The following RTL4 variants were observed in gnomAD, a reference collection of about 807,000 sequenced individuals.
RTL4 encodes retrotransposon Gag-like protein 4.
In RTL4, 4 loss-of-function variants were observed where a neutral mutation model predicts 5.3. The ratio of observed to expected loss-of-function variants is 0.75; its 90% CI spans 0.37 to 1.72. RTL4 has a LOEUF of 1.72. Ranked by LOEUF, RTL4 falls within the 40% of genes most tolerant of loss-of-function variation. RTL4 has a pLI of 0.04. For synonymous variants in RTL4, 98 were observed against 87.3 expected (o/e 1.12, Z -0.68); for missense variants, 260 against 227.1 (o/e 1.14, Z -0.93).
the RTL4 span, among the ~76,000 whole-genome samples, chrX:112,325,269 T>C: frequency 9.0e-6 from 1 of 111,648 alleles, no homozygotes; most frequent in Non-Finnish European, 1.9e-5. Context: ...AAGCTACCAA[T>C]GACATTCTTC....
chrX:112,355,069 C>T, the RTL4 span, among the ~76,000 whole-genome samples: 1 of 111,519 alleles, frequency 9.0e-6, no homozygotes, highest in African/African-American at 3.3e-5. Flanking sequence ...TCTCTGAGAA[C>T]TGGTTTGTTC....
chrX:112,230,465 CTT>C, the RTL4 span, among the ~76,000 whole-genome samples: 1 of 112,510 alleles, frequency 8.9e-6, no homozygotes, highest in Non-Finnish European at 1.9e-5. Context: ...TTCCCTGACT[CTT>C]TGCGCTTCCC....
the RTL4 span, among the ~76,000 whole-genome samples, chrX:112,102,718 C>A: frequency 9.0e-5 from 10 of 111,315 alleles, no homozygotes; most frequent in Non-Finnish European, 1.7e-4. Context: ...CCAGAGTCTA[C>A]AAGGAACTTA....
chrX:112,240,143 C>T, the RTL4 span, among the ~76,000 whole-genome samples: 1 of 111,382 alleles, frequency 9.0e-6, no homozygotes, highest in African/African-American at 3.3e-5. Flanking sequence ...TATTATAGAA[C>T]TGAAAAATAC....
At chrX:112,211,226 T>G in the RTL4 span, among the ~76,000 whole-genome samples, 1 of 111,661 alleles carries the variant, frequency 9.0e-6, no homozygotes, top group Non-Finnish European at 1.9e-5. Flanking sequence ...TCATTTAATT[T>G]TAACGGTTTT....
the RTL4 span, among the ~76,000 whole-genome samples, chrX:112,443,972 T>A: frequency 8.9e-6 from 1 of 111,880 alleles, no homozygotes; most frequent in Non-Finnish European, 1.9e-5. Flanking sequence ...CATTTTTGCT[T>A]CGGTCGCCTA....
At chrX:112,273,379 G>T in the RTL4 span, among the ~76,000 whole-genome samples, 16 of 108,874 alleles carry the variant, frequency 1.5e-4, no homozygotes, top group African/African-American at 4.7e-4. Context: ...TCAGCCTCCC[G>T]AGTAGCTGGG....
At chrX:112,292,000 T>A in the RTL4 span, among the ~76,000 whole-genome samples, 1 of 111,351 alleles carries the variant, frequency 9.0e-6, no homozygotes, top group East Asian at 2.8e-4. Context: ...ACTCACTAGT[T>A]GCAGCAGGGT....
the RTL4 span, among the ~76,000 whole-genome samples, chrX:112,236,014 C>G: frequency 9.0e-5 from 10 of 111,112 alleles, no homozygotes; most frequent in African/African-American, 3.3e-4. Flanking sequence ...ACCAAGAAAG[C>G]TACTGCTTTG....
At chrX:112,202,838 T>G in the RTL4 span, among the ~76,000 whole-genome samples, 4 of 111,201 alleles carry the variant, frequency 3.6e-5, no homozygotes, top group South Asian at 1.5e-3. Flanking sequence ...ATAAAAAAAC[T>G]GTCAAACTGT....
chrX:112,243,659 A>G, the RTL4 span, among the ~76,000 whole-genome samples: 1 of 111,347 alleles, frequency 9.0e-6, no homozygotes, highest in African/African-American at 3.3e-5. Flanking sequence ...TCCTGGATTC[A>G]TTGATTTTTT....
At chrX:112,139,645 TTC>T in the RTL4 span, among the ~76,000 whole-genome samples, 1 of 112,339 alleles carries the variant, frequency 8.9e-6, no homozygotes, top group Admixed American at 9.5e-5. Flanking sequence ...GAGTTGTTAC[TTC>T]TCTCTCATTT....
At chrX:112,328,545 A>T in the RTL4 span, among the ~76,000 whole-genome samples, 2 of 111,671 alleles carry the variant, frequency 1.8e-5, no homozygotes, top group African/African-American at 6.5e-5. Context: ...TTAGACTCCC[A>T]CACATTAATA....
chrX:112,357,249 A>T, the RTL4 span, among the ~76,000 whole-genome samples: 1 of 110,660 alleles, frequency 9.0e-6, no homozygotes, highest in African/African-American at 3.3e-5. Flanking sequence ...TCACCAAAAA[A>T]AAAAAGAGCT....
chrX:112,209,409 C>T, the RTL4 span, among the ~76,000 whole-genome samples: 39 of 112,233 alleles, frequency 3.5e-4, no homozygotes, highest in African/African-American at 1.2e-3. Flanking sequence ...GGGAAGATTT[C>T]CCTACACCGC....
the RTL4 span, among the ~76,000 whole-genome samples, chrX:112,179,398 G>A: frequency 9.0e-6 from 1 of 111,471 alleles, no homozygotes; most frequent in East Asian, 2.8e-4. Context: ...GTAGTTTTGT[G>A]TGTGGGTACT....
At chrX:112,310,962 T>A in the RTL4 span, among the ~76,000 whole-genome samples, 1 of 103,129 alleles carries the variant, frequency 9.7e-6, no homozygotes, top group East Asian at 2.9e-4. Flanking sequence ...TAAATTCCAG[T>A]CTTGCAGCTG....
the RTL4 span, among the ~76,000 whole-genome samples, chrX:112,161,822 TTCCTTCCTTCCTTC>T: frequency 2.3e-5 from 1 of 43,120 alleles, no homozygotes; most frequent in Admixed American, 3.0e-4. Context: ...CCTTCCTTCC[TTCCTTCCTTCCTTC>T]CTTCCTTCCT....
the RTL4 span, among the ~76,000 whole-genome samples, chrX:112,181,023 C>T: frequency 1.1e-4 from 12 of 111,706 alleles, no homozygotes; most frequent in Admixed American, 2.8e-4. Context: ...GTGCAGCCCA[C>T]GGAGGGTGAG....
Sources: allele counts gnomAD v4.1 joint callset (sites outside exome capture counted in the v4.1 genomes callset), GRCh38; gene constraint gnomAD v4.1.1; transcripts MANE v1.5; gene names NCBI Gene and HGNC (gene_info 2026-07-23, HGNC 2026-07-21).